Variants in DCDC1 observed in about 807,000 individuals in gnomAD.
DCDC1 encodes doublecortin domain containing 1.
Under a neutral mutation model 178.3 loss-of-function variants are expected in DCDC1, and 200 were observed. The observed-to-expected ratio is 1.12, with a 90% CI of 1.00 to 1.26. The LOEUF (loss-of-function observed/expected upper bound fraction) is 1.26, where lower values mean the gene tolerates loss of function less well. Among genes scored for constraint, DCDC1 ranks in the 50% most tolerant of loss-of-function variants. The probability of loss-of-function intolerance (pLI) is 0.00; values close to 1 mark genes in which losing one functional copy is unlikely to be tolerated. For missense variants in DCDC1, 1,983 were observed against 1,749.2 expected (o/e 1.13, Z -2.38); for synonymous variants, 690 against 604.8 (o/e 1.14, Z -2.07).
intron 9 of DCDC1, among the ~76,000 whole-genome samples, chr11:31,168,249 A>C (rs2136204823): frequency 6.6e-6 from 1 of 152,250 alleles, no homozygotes. Flanking sequence ...GCACCTCACT[A>C]TATGTTGTCA....
chr11:31,326,253 A>T (rs937713482), intron 3 of DCDC1, among the ~76,000 whole-genome samples: 1 of 152,170 alleles, frequency 6.6e-6, no homozygotes, highest in Non-Finnish European at 1.5e-5. Context: ...GAGAAGAAAG[A>T]CTGACATATA....
At chr11:31,026,680 T>C (rs1953260058) in intron 20 of DCDC1, among the ~76,000 whole-genome samples, 1 of 151,842 alleles carries the variant, frequency 6.6e-6, no homozygotes, top group Non-Finnish European at 1.5e-5. Flanking sequence ...TACTTATTTA[T>C]TTACTTAAAC....
At chr11:31,316,100 T>C in intron 3 of DCDC1, among the ~76,000 whole-genome samples, 1 of 95,978 alleles carries the variant, frequency 1.0e-5, no homozygotes, top group South Asian at 3.3e-4. Flanking sequence ...TTGTGAATAG[T>C]GCCGCAATAA....
At chr11:31,113,376 G>A (rs1376338942) in intron 11 of DCDC1, among the ~76,000 whole-genome samples, 2 of 151,940 alleles carry the variant, frequency 1.3e-5, no homozygotes, top group African/African-American at 4.8e-5. Context: ...TGCCATGTTG[G>A]TGTGCTGCAC....
Position 31,249,733 on chromosome 11 carries a change from C to T in DCDC1, c.1055-8117G>A, listed in dbSNP as rs566214674. ...TTAGCACCCTTCTTCAGCAAGAGAC[C>T]TAAATTGTTACATTTCATAAAATTT... On this transcript the variant is annotated intron_variant, in intron 8 of 38. Coordinates refer to ENST00000684477, the MANE Select transcript of DCDC1 (RefSeq NM_001387274.1). Among the ~76,000 whole-genome samples the T allele has an allele frequency of 6.6e-5, 10 of 152,148 alleles. No homozygotes were observed. In the South Asian group the frequency reaches 1.9e-3, roughly 28 times the overall value.
At chr11:31,170,688 G>A (rs1967094295) in intron 9 of DCDC1, among the ~76,000 whole-genome samples, 1 of 152,164 alleles carries the variant, frequency 6.6e-6, no homozygotes, top group Non-Finnish European at 1.5e-5. Flanking sequence ...ACTACATACT[G>A]TAAAAGCAAA....
At chr11:31,276,368 G>A (rs1591616791) in intron 7 of DCDC1, among the ~76,000 whole-genome samples, 1 of 152,154 alleles carries the variant, frequency 6.6e-6, no homozygotes, top group East Asian at 1.9e-4. Flanking sequence ...CTAATCATTT[G>A]GATTACTAAA....
At position 31,265,564 on chromosome 11, in the gene DCDC1, A is replaced by T; in HGVS notation, c.997T>A (p.Leu333Ile). ...AAATCATAAAAATATCTGGCTGGTA[A>T]ATTTAGATTCATTCTTATTGTACAA... ...DTCTIRMNLN[L>I]PARYFYDLYG... The change falls in exon 8 of 39, where the codon TTA becomes ATA. Residue 333 changes from leucine to isoleucine, a missense_variant. By Grantham distance (5) the Leu-to-Ile change is conservative. Coordinates refer to ENST00000684477, the MANE Select transcript of DCDC1 (RefSeq NM_001387274.1). The T allele has an allele frequency of 7.0e-7, 1 of 1,438,482 alleles. No homozygotes were observed. Among genetic ancestry groups the T allele is most frequent in the Non-Finnish European group, 9.2e-7 (1 of 1,090,850 alleles). The allele number at this position is 1,438,482 out of a possible 1,614,324, so 89.1% of individuals were successfully genotyped here.
At chr11:31,344,846 T>A (rs548397315) in intron 1 of DCDC1, among the ~76,000 whole-genome samples, 1 of 152,242 alleles carries the variant, frequency 6.6e-6, no homozygotes, top group African/African-American at 2.4e-5. Flanking sequence ...CTGTCCTAAC[T>A]AGAGTTTAAT....
chr11:31,010,580 T>C (rs1952114095), intron 20 of DCDC1, among the ~76,000 whole-genome samples: 1 of 152,182 alleles, frequency 6.6e-6, no homozygotes, highest in Non-Finnish European at 1.5e-5. Context: ...CCATTTTCTA[T>C]TTGTTGGAAG....
Position 31,202,890 on chromosome 11 carries a change from A to G in DCDC1, c.1221+38560T>C, listed in dbSNP as rs146568648. 2.4e-3 allele frequency among the ~76,000 whole-genome samples: 370 copies of G among 152,284 alleles called. 4 individuals carry two copies. The highest frequency in any genetic ancestry group is 8.5e-3 in the African/African-American group (352 of 41,560). On this transcript the variant is annotated intron_variant, in intron 9 of 38. Coordinates refer to ENST00000684477, the MANE Select transcript of DCDC1 (RefSeq NM_001387274.1). ...AGCAGCTGACCCACTGTTTCGATAT[A>G]TGACTTTATGGAAAGCTGAGGGGAT...
rs1367949716 is a variant in DCDC1 at position 30,952,311 on chromosome 11, A to G, written c.2715+134T>C. The G allele has an allele frequency of 1.2e-5, 8 of 689,568 alleles. No homozygotes were observed. The East Asian group carries it at 2.3e-4, about 20-fold the overall frequency. 42.7% of individuals were successfully genotyped at this position (689,568 alleles called of 1,614,324 possible). A position where few individuals can be genotyped will look rare whatever the true frequency, so the allele number is the denominator to read the frequency against. The stretch of plus-strand genomic sequence containing the variant: ...ACATCTAATTAATTGATAGAACAAC[A>G]GAATTAGCAAGTTTGATATCTTGCA... On this transcript the variant is annotated intron_variant, in intron 21 of 38. Transcript: ENST00000684477.
intron 3 of DCDC1, 67 bp from the exon 4 acceptor site, chr11:31,307,975 A>G (rs1476959364): frequency 1.6e-5 from 25 of 1,584,152 alleles, no homozygotes; most frequent in East Asian, 4.5e-5. Flanking sequence ...CAAATACCAT[A>G]TAATAACGAG....
intron 20 of DCDC1, among the ~76,000 whole-genome samples, chr11:31,051,120 G>A (rs1209094731): frequency 6.6e-6 from 1 of 152,130 alleles, no homozygotes; most frequent in Non-Finnish European, 1.5e-5. Context: ...CATGGAAATA[G>A]ATAGCTTAAA....
Position 30,892,945 on chromosome 11 carries a change from G to A in DCDC1, c.4955C>T (p.Ala1652Val). Residue 1652 changes from alanine to valine, a missense_variant, in exon 36 of 39, where the codon GCA becomes GTA. By Grantham distance (64) the Ala-to-Val change is moderately conservative. Transcript: ENST00000684477. ...CGGCTTGACTGCTATACGTTTGGTT[G>A]CAATTGGAAAATTTATTTTGGATTC... ...EMESKINFPI[A>V]TKRIAVKPSN... 4 of 1,613,946 alleles carry A rather than the reference G, an allele frequency of 2.5e-6. No individual in the cohort carries two copies. The highest frequency in any genetic ancestry group is 3.4e-6 in the Non-Finnish European group (4 of 1,179,856).
Position 31,114,623 on chromosome 11 carries a change from T to A in DCDC1, c.1486-4262A>T, listed in dbSNP as rs183470769. ...CACGCAGAGAGAGCTGCCAGAGCAA[T>A]GAAGCAAGACAGGAATGTGTCCAGT... On this transcript the variant is annotated intron_variant, in intron 11 of 38. Transcript: ENST00000684477. Among the ~76,000 whole-genome samples, 158 of 152,124 alleles carry A rather than the reference T, an allele frequency of 1.0e-3. 1 individual carries two copies. Among genetic ancestry groups the A allele is most frequent in the African/African-American group, 3.5e-3 (146 of 41,506 alleles).
Position 31,151,067 on chromosome 11 carries a change from G to T in DCDC1, c.1222-13283C>A, listed in dbSNP as rs74775722. 9.2e-5 allele frequency among the ~76,000 whole-genome samples: 14 copies of T among 152,256 alleles called. No homozygotes were observed. The East Asian group carries it at 2.7e-3, about 29-fold the overall frequency. ...TACTCTGTCACACTGTTCTGGGCAC[G>T]GCAGATACACTGTATCATTCAGCTC... On this transcript the variant is annotated intron_variant, in intron 9 of 38. Coordinates refer to ENST00000684477, the MANE Select transcript of DCDC1 (RefSeq NM_001387274.1).
chr11:31,321,960 C>G (rs1004372505), intron 3 of DCDC1, among the ~76,000 whole-genome samples: 1 of 152,152 alleles, frequency 6.6e-6, no homozygotes, highest in African/African-American at 2.4e-5. Context: ...AAAGGCCTCA[C>G]CAAAACTGTT....
chr11:31,085,854 C>T (rs1463234845), intron 17 of DCDC1, among the ~76,000 whole-genome samples: 1 of 152,002 alleles, frequency 6.6e-6, no homozygotes, highest in Non-Finnish European at 1.5e-5. Flanking sequence ...ACTACAGGGG[C>T]ACACAACCAT....
Sources: allele counts gnomAD v4.1 joint callset (sites outside exome capture counted in the v4.1 genomes callset), GRCh38; gene constraint gnomAD v4.1.1; transcripts MANE v1.5; gene names NCBI Gene and HGNC (gene_info 2026-07-23, HGNC 2026-07-21).